Variants in CDC16 observed in about 807,000 individuals in gnomAD.
The protein encoded by CDC16 is cell division cycle 16, also known as cell division cycle protein 16 homolog.
Under a neutral mutation model 87.0 loss-of-function variants are expected in CDC16, and 34 were observed. The ratio of observed to expected loss-of-function variants is 0.39; its 90% CI spans 0.30 to 0.52. The LOEUF (loss-of-function observed/expected upper bound fraction) is 0.52. CDC16 is among the 20% of genes least tolerant of loss of function. The probability of loss-of-function intolerance (pLI) is 0.74; values close to 1 mark genes in which losing one functional copy is unlikely to be tolerated. For missense variants in CDC16, 653 were observed against 751.9 expected (o/e 0.87, Z 1.54); for synonymous variants, 263 against 260.6 (o/e 1.01, Z -0.09).
intron 10 of CDC16, 115 bp downstream of exon 10, chr13:114,246,164 T>C (rs1309434013): frequency 1.8e-6 from 1 of 546,880 alleles, no homozygotes; most frequent in Admixed American, 3.9e-5. Flanking sequence ...TTTATTAAAG[T>C]GTTGCAACAG....
intron 5 of CDC16, among the ~76,000 whole-genome samples, chr13:114,241,247 A>G (rs1332663312): frequency 1.3e-5 from 2 of 152,240 alleles, no homozygotes; most frequent in South Asian, 2.1e-4. Flanking sequence ...AAAGAGTTCT[A>G]TAAGTTAGAT....
intron 8 of CDC16, 56 bp from the exon 9 acceptor site, chr13:114,244,834 C>A: frequency 9.5e-7 from 1 of 1,049,392 alleles, no homozygotes; most frequent in Non-Finnish European, 1.5e-6. Flanking sequence ...AGCCGATCGT[C>A]GTGAGTGCTG....
At chr13:114,253,614 C>T (rs9562168) in intron 12 of CDC16, among the ~76,000 whole-genome samples, 7,757 of 150,662 alleles carry the variant, frequency 0.051, 516 homozygotes, top group East Asian at 0.35. Flanking sequence ...CTCTTGAACC[C>T]AGAGGCAGAG....
chr13:114,238,946 A>G (rs1352518809), intron 3 of CDC16, 44 bp from the exon 4 acceptor site: 2 of 1,583,692 alleles, frequency 1.3e-6, no homozygotes, highest in Non-Finnish European at 1.7e-6. Context: ...GTGAAGATAC[A>G]TATTATTTTG....
chr13:114,264,419 G>A (rs1378095086), intron 16 of CDC16, among the ~76,000 whole-genome samples: 6 of 152,088 alleles, frequency 3.9e-5, no homozygotes, highest in Non-Finnish European at 8.8e-5. Context: ...GGTAGCACAT[G>A]CCTGTAGTCC....
At chr13:114,254,854 A>G (rs1462978919) in intron 12 of CDC16, among the ~76,000 whole-genome samples, 2 of 152,220 alleles carry the variant, frequency 1.3e-5, no homozygotes, top group Non-Finnish European at 2.9e-5. Context: ...GCCCTCCAGC[A>G]TTAACATCAA....
At chr13:114,260,584 A>C (rs2082786020) in intron 14 of CDC16, among the ~76,000 whole-genome samples, 1 of 152,246 alleles carries the variant, frequency 6.6e-6, no homozygotes, top group African/African-American at 2.4e-5. Context: ...ACTTAAGTTG[A>C]GCCTGTATTC....
intron 12 of CDC16, among the ~76,000 whole-genome samples, chr13:114,253,749 C>T (rs1228001638): frequency 6.6e-6 from 1 of 150,876 alleles, no homozygotes; most frequent in Non-Finnish European, 1.5e-5. Flanking sequence ...ATAGATTGTT[C>T]CAGATTATTT....
In CDC16 at chr13:114,235,056, GTGTGGCGTGAGGCCGGGCC is replaced by G; in HGVS notation, c.-28_-10del. The G allele has an allele frequency of 3.2e-6, 4 of 1,249,472 alleles. No individual in the cohort carries two copies. The highest frequency in any genetic ancestry group is 4.0e-6 in the Non-Finnish European group (4 of 997,896). The allele number at this position is 1,249,472 out of a possible 1,614,324, so 77.4% of individuals were successfully genotyped here. On this transcript the variant is annotated 5_prime_UTR_variant, in exon 1 of 18. Coordinates refer to ENST00000356221, the MANE Select transcript of CDC16 (RefSeq NM_001078645.3). ...CAGGAGGCGCGCGCCTAGCGGCGGA[GTGTGGCGTGAGGCCGGGCC>G]CGCGCCGCCATGAACCTAGAGCGGC...
Position 114,272,590 on chromosome 13 carries a change from G to A in CDC16, c.*147G>A. 1.6e-6 allele frequency: 1 copy of A among 619,006 alleles called. No individual in the cohort carries two copies. The highest frequency in any genetic ancestry group is 2.7e-6 in the Non-Finnish European group (1 of 363,840). The allele number at this position is 619,006 out of a possible 1,614,324, so 38.3% of individuals were successfully genotyped here. A position where few individuals can be genotyped will look rare whatever the true frequency, so the allele number is the denominator to read the frequency against. On this transcript the variant is annotated 3_prime_UTR_variant, in exon 18 of 18. Coordinates refer to ENST00000356221, the MANE Select transcript of CDC16 (RefSeq NM_001078645.3). The stretch of plus-strand genomic sequence containing the variant: ...AACAGAGACCCGCCTTAAGAGACTG[G>A]ATCGCACACCTTTGCAACAGATGTG...
intron 9 of CDC16, among the ~76,000 whole-genome samples, chr13:114,245,413 G>A (rs762495458): frequency 2.0e-5 from 3 of 152,038 alleles, no homozygotes; most frequent in Non-Finnish European, 4.4e-5. Context: ...GGATGCATTT[G>A]TCCTTAAATT....
chr13:114,272,508 T>C lies in CDC16; in HGVS notation c.*65T>C. ...TTAGTATTCCTTCACATCCTCTCCA[T>C]GGCTTAAGAATGTCCCACTTCCTAA... On this transcript the variant is annotated 3_prime_UTR_variant, in exon 18 of 18. Coordinates refer to ENST00000356221, the MANE Select transcript of CDC16 (RefSeq NM_001078645.3). 7.0e-7 allele frequency: 1 copy of C among 1,432,790 alleles called. No homozygotes were observed. The highest frequency in any genetic ancestry group is 1.3e-5 in the South Asian group (1 of 78,102). 88.8% of individuals were successfully genotyped at this position (1,432,790 alleles called of 1,614,324 possible).
At chr13:114,237,743 C>T (rs942364772) in intron 3 of CDC16, among the ~76,000 whole-genome samples, 6 of 152,294 alleles carry the variant, frequency 3.9e-5, no homozygotes, top group East Asian at 1.9e-4. Context: ...CCCACTCGTA[C>T]GTGTCAGGCC....
Position 114,243,237 on chromosome 13 carries a change from T to G in CDC16, c.542-20T>G. 1.8e-6 allele frequency: 2 copies of G among 1,139,712 alleles called. No homozygotes were observed. The highest frequency in any genetic ancestry group is 1.3e-6 in the Non-Finnish European group (1 of 754,098). The allele number at this position is 1,139,712 out of a possible 1,614,324, so 70.6% of individuals were successfully genotyped here. On this transcript the variant is annotated intron_variant, in intron 6 of 17. Transcript: ENST00000356221. ...TATAAATATTATGAGGATATTCTTT[T>G]TTTTCTCACCATTTTTAAGAAAAAG... is the stretch of plus-strand genomic sequence containing the variant.
At chr13:114,258,302 G>A (rs928667425) in intron 13 of CDC16, among the ~76,000 whole-genome samples, 2 of 152,246 alleles carry the variant, frequency 1.3e-5, no homozygotes, top group African/African-American at 4.8e-5. Flanking sequence ...GCCATTGGCA[G>A]ACATGCCCAG....
chr13:114,244,667 G>A (rs2081749778), intron 8 of CDC16: 2 of 363,360 alleles, frequency 5.5e-6, no homozygotes, highest in Admixed American at 9.2e-5. Flanking sequence ...ATGTGATAAT[G>A]TTTATTTTTA....
intron 5 of CDC16, 122 bp from the exon 6 acceptor site, chr13:114,241,999 C>A: frequency 8.9e-7 from 1 of 1,121,712 alleles, no homozygotes; most frequent in Non-Finnish European, 1.3e-6. Flanking sequence ...CTGCAGTGAG[C>A]TATGATCGCA....
intron 11 of CDC16, 45 bp downstream of exon 11, chr13:114,247,049 T>A (rs763936063): frequency 8.2e-7 from 1 of 1,218,700 alleles, no homozygotes; most frequent in Non-Finnish European, 1.2e-6. Context: ...GTAGAATTGA[T>A]GTCTTGCTCA....
intron 9 of CDC16, 110 bp downstream of exon 9, chr13:114,245,079 A>G (rs772315289): frequency 1.3e-5 from 8 of 594,178 alleles, no homozygotes; most frequent in South Asian, 2.2e-5. Context: ...AGGTAACAAC[A>G]TAATGGAACC....
Sources: allele counts gnomAD v4.1 joint callset (sites outside exome capture counted in the v4.1 genomes callset), GRCh38; gene constraint gnomAD v4.1.1; transcripts MANE v1.5; gene names NCBI Gene and HGNC (gene_info 2026-07-23, HGNC 2026-07-21).